Variants in FBXL7 observed in about 807,000 individuals in gnomAD.
FBXL7 encodes F-box/LRR-repeat protein 7.
In FBXL7, 12 loss-of-function variants were observed where a neutral mutation model predicts 38.3. The ratio of observed to expected loss-of-function variants is 0.31; its 90% CI spans 0.20 to 0.51. The LOEUF is 0.51. Among genes scored for constraint, FBXL7 ranks in the 20% least tolerant of loss-of-function variants. FBXL7 has a pLI of 0.98. For synonymous variants in FBXL7, 297 were observed against 300.9 expected (o/e 0.99, Z 0.13); for missense variants, 567 against 676.4 (o/e 0.84, Z 1.79).
At chr5:15,546,404 T>C (rs1375834200) in intron 1 of FBXL7, among the ~76,000 whole-genome samples, 2 of 151,884 alleles carry the variant, frequency 1.3e-5, no homozygotes, top group Non-Finnish European at 2.9e-5. Flanking sequence ...CCATCTCTAC[T>C]AAAAATACAA....
At chr5:15,576,700 T>G (rs1314689007) in intron 1 of FBXL7, among the ~76,000 whole-genome samples, 1 of 152,152 alleles carries the variant, frequency 6.6e-6, no homozygotes, top group African/African-American at 2.4e-5. Context: ...TTGATTTTTT[T>G]TTTTGGTCCT....
At chr5:15,558,641 C>T (rs1024544369) in intron 1 of FBXL7, among the ~76,000 whole-genome samples, 3 of 152,224 alleles carry the variant, frequency 2.0e-5, no homozygotes, top group South Asian at 2.1e-4. Context: ...GCTTCAAAAT[C>T]CAAGCAATGG....
intron 2 of FBXL7, among the ~76,000 whole-genome samples, chr5:15,770,566 T>A (rs1736704170): frequency 6.6e-6 from 1 of 152,148 alleles, no homozygotes; most frequent in African/African-American, 2.4e-5. Context: ...AGCTACTACC[T>A]CCAGACTTTT....
intron 2 of FBXL7, among the ~76,000 whole-genome samples, chr5:15,846,586 C>T (rs1017769988): frequency 2.6e-5 from 4 of 152,142 alleles, no homozygotes; most frequent in South Asian, 2.1e-4. Flanking sequence ...ACAATTATAC[C>T]GTTGTCTTAT....
intron 1 of FBXL7, among the ~76,000 whole-genome samples, 161 bp from the exon 2 acceptor site, chr5:15,615,822 T>C (rs1490176191): frequency 6.6e-6 from 1 of 152,244 alleles, no homozygotes; most frequent in African/African-American, 2.4e-5. Context: ...CCAAAAGATA[T>C]TTAATGCATA....
rs1224034130 is a variant in FBXL7, at chr5:15,936,130, T to C, written c.740-320T>C. On this transcript the variant is annotated intron_variant, in intron 3 of 3. Transcript: ENST00000504595. The surrounding 1 kb of genome is among the most constrained non-coding windows in gnomAD (Gnocchi z 6.0). Reference sequence around the variant, plus strand: ...CCAGGGAATGGGATCCTCCCTATTTTAAGACAAAGGAAATACTCAGAAGGA... The same window carrying C: ...CCAGGGAATGGGATCCTCCCTATTTCAAGACAAAGGAAATACTCAGAAGGA... Among the ~76,000 whole-genome samples the C allele has an allele frequency of 6.6e-6, 1 of 152,198 alleles. No homozygotes were observed. Among genetic ancestry groups the C allele is most frequent in the African/African-American group, 2.4e-5 (1 of 41,432 alleles).
intron 2 of FBXL7, among the ~76,000 whole-genome samples, chr5:15,813,747 C>A (rs938739748): frequency 6.6e-6 from 1 of 151,968 alleles, no homozygotes; most frequent in African/African-American, 2.4e-5. Flanking sequence ...AATAAACAAC[C>A]CCATCAATAA....
intron 3 of FBXL7, among the ~76,000 whole-genome samples, chr5:15,932,103 T>C (rs1742052304): frequency 6.6e-6 from 1 of 152,246 alleles, no homozygotes; most frequent in South Asian, 2.1e-4. Context: ...AGTGGTCATT[T>C]TGGCCTTTAA....
At chr5:15,652,561 G>A (rs2126572189) in intron 2 of FBXL7, among the ~76,000 whole-genome samples, 1 of 152,292 alleles carries the variant, frequency 6.6e-6, no homozygotes. Flanking sequence ...CCATAAGCCT[G>A]GCCAAGAAAT....
chr5:15,741,595 T>TA (rs939243780), intron 2 of FBXL7, among the ~76,000 whole-genome samples: 8 of 152,164 alleles, frequency 5.3e-5, no homozygotes, highest in African/African-American at 1.7e-4. Context: ...CTCTTGGGTA[T>TA]AAAAAAAGAG....
chr5:15,527,090 A>G (rs1052068614), intron 1 of FBXL7, among the ~76,000 whole-genome samples: 1 of 152,222 alleles, frequency 6.6e-6, no homozygotes, highest in Non-Finnish European at 1.5e-5. Context: ...AGACCAGTAC[A>G]CCTAGAATAG....
chr5:15,673,596 T>C (rs1742556964), intron 2 of FBXL7, among the ~76,000 whole-genome samples: 1 of 152,096 alleles, frequency 6.6e-6, no homozygotes, highest in Admixed American at 6.5e-5. Flanking sequence ...GTGCACAGAG[T>C]CCAACAGTGT....
chr5:15,657,457 G>C (rs971150318), intron 2 of FBXL7, among the ~76,000 whole-genome samples: 3 of 152,092 alleles, frequency 2.0e-5, no homozygotes, highest in Admixed American at 1.3e-4. Context: ...TAATTAATGA[G>C]GCCATTATAA....
At position 15,683,648 on chromosome 5, in the gene FBXL7, C is replaced by T. The variant is rs576082275; in HGVS notation, c.127+67576C>T. 4.3e-4 allele frequency among the ~76,000 whole-genome samples: 65 copies of T among 152,322 alleles called. 1 individual carries two copies. Among genetic ancestry groups the T allele is most frequent in the African/African-American group, 1.5e-3 (63 of 41,566 alleles). On this transcript the variant is annotated intron_variant, in intron 2 of 3. Transcript: ENST00000504595. The stretch of plus-strand genomic sequence containing the variant: ...TGTAAAAAGGCAGCCACAGCAATGA[C>T]ACGTAATGCTCCCCACCCCTCTACT...
chr5:15,701,755 T>G (rs1328624743), intron 2 of FBXL7, among the ~76,000 whole-genome samples: 2 of 152,212 alleles, frequency 1.3e-5, no homozygotes, highest in Admixed American at 1.3e-4. Context: ...CTTCATGGAA[T>G]GAGGTTTTTT....
chr5:15,921,022 C>T lies in FBXL7; in HGVS notation c.128-6868C>T, dbSNP rs78969443. Among the ~76,000 whole-genome samples the T allele has an allele frequency of 2.5e-3, 385 of 152,168 alleles. 2 individuals carry two copies. Among genetic ancestry groups the T allele is most frequent in the African/African-American group, 8.5e-3 (353 of 41,500 alleles). On this transcript the variant is annotated intron_variant, in intron 2 of 3. Transcript: ENST00000504595. ...TGTAGTGTGCTCCTCTGTCTTTCCT[C>T]GAGAGGAAATTTTATAATTTTAATA...
chr5:15,503,901 A>G (rs1406000748), intron 1 of FBXL7, among the ~76,000 whole-genome samples: 4 of 152,230 alleles, frequency 2.6e-5, no homozygotes, highest in Non-Finnish European at 5.9e-5. Flanking sequence ...TTAACACGTC[A>G]ATATTCTGTT....
chr5:15,553,112 A>G (rs1738133510), intron 1 of FBXL7, among the ~76,000 whole-genome samples: 1 of 151,616 alleles, frequency 6.6e-6, no homozygotes, highest in Non-Finnish European at 1.5e-5. Flanking sequence ...ACCCAACCAA[A>G]CAAAAACCCC....
chr5:15,651,434 C>A (rs1741707488), intron 2 of FBXL7, among the ~76,000 whole-genome samples: 1 of 152,090 alleles, frequency 6.6e-6, no homozygotes, highest in Non-Finnish European at 1.5e-5. Flanking sequence ...AAAATTATTT[C>A]TTGATTAGTG....
Sources: allele counts gnomAD v4.1 joint callset (sites outside exome capture counted in the v4.1 genomes callset), GRCh38; gene constraint gnomAD v4.1.1; non-coding constraint Gnocchi (gnomAD v3.1); transcripts MANE v1.5; gene names NCBI Gene and HGNC (gene_info 2026-07-23, HGNC 2026-07-21).